Variants in CMTM1 observed in about 807,000 individuals in gnomAD.
The protein encoded by CMTM1 is CKLF like MARVEL transmembrane domain containing 1.
CMTM1 carries 16 observed loss-of-function variants against 17.8 expected under a neutral mutation model. The ratio of observed to expected loss-of-function variants is 0.90; its 90% confidence interval spans 0.61 to 1.37. CMTM1 has a LOEUF of 1.37. Ranked by LOEUF, CMTM1 falls within the 40% of genes most tolerant of loss-of-function variation. CMTM1 has a pLI of 0.00. For synonymous variants in CMTM1, 169 were observed against 154.6 expected (o/e 1.09, Z -0.69); for missense variants, 354 against 375.6 (o/e 0.94, Z 0.47).
At chr16:66,569,873 A>T (rs936490544) in intron 1 of CMTM1, 63 bp from the exon 2 acceptor site, 39 of 1,283,976 alleles carry the variant, frequency 3.0e-5, no homozygotes, top group Non-Finnish European at 3.9e-5. Context: ...TCAGATTTAC[A>T]TTCTGACAAT....
At chr16:66,571,351 T>C (rs2013502323) in intron 2 of CMTM1, 1 of 365,666 alleles carries the variant, frequency 2.7e-6, no homozygotes, top group African/African-American at 2.1e-5. Flanking sequence ...AACAACCCAG[T>C]GAGGTTATGG....
chr16:66,576,617 G>A (rs556752136), intron 2 of CMTM1, among the ~76,000 whole-genome samples: 1 of 152,252 alleles, frequency 6.6e-6, no homozygotes, highest in African/African-American at 2.4e-5. Flanking sequence ...CAGAGCGTTG[G>A]CTTTACCTGC....
rs992537787 is a variant in CMTM1 at position 66,566,742 on chromosome 16, C to G, written c.229C>G (p.Pro77Ala). 6 of 1,613,880 alleles carry G rather than the reference C, an allele frequency of 3.7e-6. No individual in the cohort carries two copies. Among genetic ancestry groups the G allele is most frequent in the African/African-American group, 1.3e-5 (1 of 75,026 alleles). ...TCCCCAAGGCAGTGAGGGCACCGCA[C>G]CCTCAAGGAAAGCCACCACACGCCC... ...ARPQGSEGTA[P>A]SRKATTRPPP... Residue 77 changes from proline to alanine, a missense_variant, in exon 1 of 4, where the codon CCC becomes GCC. Pro to Ala is a conservative substitution (Grantham distance 27, BLOSUM62 -1). Coordinates refer to ENST00000379500, the MANE Select transcript of CMTM1 (RefSeq NM_052999.4). This position sits in a 1 kb window ranked among gnomAD's most constrained non-coding sequence, Gnocchi z 4.9.
chr16:66,574,817 A>T lies in CMTM1; in HGVS notation c.592-2287A>T, dbSNP rs774015165. 1.8e-5 allele frequency: 5 copies of T among 278,438 alleles called. No individual in the cohort carries two copies. The Admixed American group carries it at 1.9e-4, about 11-fold the overall frequency. The allele number at this position is 278,438 out of a possible 1,614,324, so 17.2% of individuals were successfully genotyped here. On this transcript the variant is annotated intron_variant, in intron 2 of 3. Transcript: ENST00000379500. The stretch of plus-strand genomic sequence containing the variant: ...GAAACTGAGCTCCGGTTATATAGAT[A>T]TTTTGGCCAACAGAGAGCAATTTTT...
At position 66,578,932 on chromosome 16, in the gene CMTM1, A is replaced by G. The variant is rs754650033; in HGVS notation, c.792A>G (p.Glu264=). The G allele has an allele frequency of 1.2e-6, 2 of 1,614,100 alleles. No individual in the cohort carries two copies. Among genetic ancestry groups the G allele is most frequent in the East Asian group, 2.2e-5 (1 of 44,866 alleles). The change falls in exon 4 of 4, where the codon GAA becomes GAG. Residue 264 remains glutamate, a synonymous_variant. Transcript: ENST00000379500. Reference sequence around the variant, plus strand: ...AAAGATTCCTGGGAGTCGAAGTTGAAAGGAAGCTTTCCCCCGCCAAGGACG... The same window carrying G: ...AAAGATTCCTGGGAGTCGAAGTTGAGAGGAAGCTTTCCCCCGCCAAGGACG... The part of the protein sequence containing the change: ...NLKRFLGVEV[E]RKLSPAKDAY...
intron 2 of CMTM1, among the ~76,000 whole-genome samples, chr16:66,576,516 A>G (rs78893511): frequency 6.6e-6 from 1 of 152,164 alleles, no homozygotes; most frequent in Non-Finnish European, 1.5e-5. Flanking sequence ...AGAGCAAAAA[A>G]CATTCACTCC....
Position 66,579,117 on chromosome 16 carries a change from C to T in CMTM1, c.*116C>T. The T allele has an allele frequency of 8.8e-6, 12 of 1,361,654 alleles. No homozygotes were observed. The highest frequency in any genetic ancestry group is 1.2e-5 in the Non-Finnish European group (12 of 1,019,268). 84.3% of individuals were successfully genotyped at this position (1,361,654 alleles called of 1,614,324 possible). ...CCTAAATGTGACCATAAAATTAGGG[C>T]TGCTGCTTTTATCGAGAACACCTGC... is the stretch of plus-strand genomic sequence containing the variant. On this transcript the variant is annotated 3_prime_UTR_variant, in exon 4 of 4. Coordinates refer to ENST00000379500, the MANE Select transcript of CMTM1 (RefSeq NM_052999.4). The surrounding 1 kb of genome is among the most constrained non-coding windows in gnomAD (Gnocchi z 6.5).
chr16:66,577,145 A>G lies in CMTM1; in HGVS notation c.633A>G (p.Val211=). 6.2e-7 allele frequency: 1 copy of G among 1,614,112 alleles called. No homozygotes were observed. Among genetic ancestry groups the G allele is most frequent in the Non-Finnish European group, 8.5e-7 (1 of 1,179,992 alleles). The change falls in exon 3 of 4, where the codon GTA becomes GTG. Residue 211 remains valine (V), a synonymous_variant. Transcript: ENST00000379500. ...TCATTACAGCTGTGTTCCTTTCAGTAGTTGCCATCTTGGCCATGCAAGAAA... is the reference window on the plus strand; with the variant it reads ...TCATTACAGCTGTGTTCCTTTCAGTGGTTGCCATCTTGGCCATGCAAGAAA... ...NSIITAVFLS[V]VAILAMQEKK... is the part of the protein sequence containing the mutation.
intron 2 of CMTM1, among the ~76,000 whole-genome samples, chr16:66,574,347 G>A (rs535934018): frequency 4.6e-5 from 7 of 152,274 alleles, no homozygotes; most frequent in African/African-American, 1.7e-4. Flanking sequence ...TGTGTCTAAG[G>A]CAAAAGGGAG....
Position 66,566,500 on chromosome 16 carries a change from C to T in CMTM1, c.-14C>T, listed in dbSNP as rs762625577. On this transcript the variant is annotated 5_prime_UTR_variant, in exon 1 of 4. Coordinates refer to ENST00000379500, the MANE Select transcript of CMTM1 (RefSeq NM_052999.4). The surrounding 1 kb of genome is among the most constrained non-coding windows in gnomAD (Gnocchi z 4.9). ...GCGGCACTGGTTCAGACGGCCAGGCCCTAGGGACCCACCATGGATCCTGAA... is the reference window on the plus strand; with the variant it reads ...GCGGCACTGGTTCAGACGGCCAGGCTCTAGGGACCCACCATGGATCCTGAA... 2.5e-6 allele frequency: 4 copies of T among 1,586,078 alleles called. No homozygotes were observed. In the South Asian group the frequency reaches 4.5e-5, roughly 18 times the overall value.
At chr16:66,572,392 T>C (rs1370309701) in intron 2 of CMTM1, among the ~76,000 whole-genome samples, 1 of 152,134 alleles carries the variant, frequency 6.6e-6, no homozygotes, top group Non-Finnish European at 1.5e-5. Flanking sequence ...TCAGATTCTG[T>C]GAGATGAAGG....
At position 66,566,440 on chromosome 16, in the gene CMTM1, C is replaced by CGA; in HGVS notation, c.-73_-72dup. ...GAGGTAGCCAACAGCCGTTGGGACG[C>CGA]GACGCTGGTTCCCAGGGGAGAGCCA... On this transcript the variant is annotated 5_prime_UTR_variant, in exon 1 of 4. Coordinates refer to ENST00000379500, the MANE Select transcript of CMTM1 (RefSeq NM_052999.4). This position sits in a 1 kb window ranked among gnomAD's most constrained non-coding sequence, Gnocchi z 4.9. The CGA allele has an allele frequency of 1.1e-5, 16 of 1,481,806 alleles. 1 individual carries two copies. In the South Asian group the frequency reaches 2.1e-4, roughly 20 times the overall value. The allele number at this position is 1,481,806 out of a possible 1,614,324, so 91.8% of individuals were successfully genotyped here.
At chr16:66,578,625 C>G (rs902265996) in intron 3 of CMTM1, among the ~76,000 whole-genome samples, 1 of 152,194 alleles carries the variant, frequency 6.6e-6, no homozygotes, top group African/African-American at 2.4e-5. Flanking sequence ...AACAAAATCC[C>G]CCACTTCCAA....
chr16:66,572,136 C>T (rs1327937964), intron 2 of CMTM1, among the ~76,000 whole-genome samples: 1 of 152,200 alleles, frequency 6.6e-6, no homozygotes, highest in Non-Finnish European at 1.5e-5. Context: ...AGACCTAGCA[C>T]AGCACAGGAT....
rs149738688 is a variant in CMTM1 at position 66,570,231 on chromosome 16, C to T, written c.591+137C>T. On this transcript the variant is annotated intron_variant, in intron 2 of 3. Transcript: ENST00000379500. Reference sequence around the variant, plus strand: ...TGAGCTGTGACAGTTAGGGTGTTGCCCTGGTCCAGAAGGATTCCTTGAACC... The same window carrying T: ...TGAGCTGTGACAGTTAGGGTGTTGCTCTGGTCCAGAAGGATTCCTTGAACC... 1,044 of 687,478 alleles carry T rather than the reference C, an allele frequency of 1.5e-3. 3 individuals carry two copies. The highest frequency in any genetic ancestry group is 8.0e-3 in the Middle Eastern group (27 of 3,372). 42.6% of individuals were successfully genotyped at this position (687,478 alleles called of 1,614,324 possible). A position where few individuals can be genotyped will look rare whatever the true frequency, so the allele number is the denominator to read the frequency against.
intron 1 of CMTM1, chr16:66,567,267 C>T (rs1444199556): frequency 4.8e-6 from 2 of 419,910 alleles, no homozygotes; most frequent in Non-Finnish European, 8.7e-6. Flanking sequence ...ATCAACTCGT[C>T]ACCTACATTA....
chr16:66,569,509 T>A (rs1021478102), intron 1 of CMTM1, among the ~76,000 whole-genome samples: 3 of 152,194 alleles, frequency 2.0e-5, no homozygotes, highest in African/African-American at 7.2e-5. Flanking sequence ...GGATTTCAGA[T>A]CAATAGGGAT....
chr16:66,578,978 G>A lies in CMTM1; in HGVS notation c.838G>A (p.Asp280Asn), dbSNP rs369544223. 93 of 1,613,538 alleles carry A rather than the reference G, an allele frequency of 5.8e-5. No homozygotes were observed. The highest frequency in any genetic ancestry group is 7.8e-5 in the Non-Finnish European group (92 of 1,179,996). The change falls in exon 4 of 4, where the codon GAC becomes AAC. Residue 280 changes from aspartate to asparagine, a missense_variant. By Grantham distance (23) the Asp-to-Asn change is conservative. Coordinates refer to ENST00000379500, the MANE Select transcript of CMTM1 (RefSeq NM_052999.4). ...GGACGCCTACCCCGAAACCGGCCCCGACGCCCCGCAGAGGCCCGCCTGAAG... is the reference window on the plus strand; with the variant it reads ...GGACGCCTACCCCGAAACCGGCCCCAACGCCCCGCAGAGGCCCGCCTGAAG... ...AKDAYPETGP[D>N]APQRPA
intron 2 of CMTM1, chr16:66,575,407 A>G (rs2014106204): frequency 5.7e-6 from 1 of 174,742 alleles, no homozygotes; most frequent in Non-Finnish European, 1.1e-5. Flanking sequence ...CGCCCAATCT[A>G]GGAATTGGCA....
Sources: allele counts gnomAD v4.1 joint callset (sites outside exome capture counted in the v4.1 genomes callset), GRCh38; gene constraint gnomAD v4.1.1; non-coding constraint Gnocchi (gnomAD v3.1); transcripts MANE v1.5; gene names NCBI Gene and HGNC (gene_info 2026-07-23, HGNC 2026-07-21).